Variants in DIP2B observed in about 807,000 individuals in gnomAD.
The protein encoded by DIP2B is DIP2 acetate--CoA ligase B (putative), also known as disco-interacting protein 2 homolog B.
In DIP2B, 76 loss-of-function variants were observed where a neutral mutation model predicts 198.0. The observed-to-expected ratio is 0.38, with a 90% confidence interval of 0.32 to 0.46. DIP2B has a LOEUF of 0.46. Among genes scored for constraint, DIP2B ranks in the 20% least tolerant of loss-of-function variants. The pLI is 0.99. For missense variants in DIP2B, 1,559 were observed against 1,978.4 expected, an observed-to-expected ratio of 0.79 and a Z score of 4.02; for synonymous variants, 701 against 739.1, an observed-to-expected ratio of 0.95 and a Z score of 0.84.
intron 26 of DIP2B, 24 bp downstream of exon 26, chr12:50,721,420 G>A: frequency 6.2e-7 from 1 of 1,613,206 alleles, no homozygotes; most frequent in Non-Finnish European, 8.5e-7. Context: ...TGGCAGACTA[G>A]AGTTTAAGCT....
At chr12:50,721,440 GACTGACT>G in intron 26 of DIP2B, 44 bp downstream of exon 26, 1 of 1,608,624 alleles carries the variant, frequency 6.2e-7, no homozygotes, top group Non-Finnish European at 8.5e-7. Flanking sequence ...TCCAATACTA[GACTGACT>G]ACAAATTATA....
rs543910487 is a variant in DIP2B at position 50,664,716 on chromosome 12, T to TGC, written c.427+4397_427+4398insGC. ...ACCACATAATGACCCTAAAGCACAG[T>TGC]AAGCTATTTCAACTAGCTTAAATTT... On this transcript the variant is annotated intron_variant, in intron 4 of 37. Coordinates refer to ENST00000301180, the MANE Select transcript of DIP2B (RefSeq NM_173602.3). Among the ~76,000 whole-genome samples, 57 of 152,152 alleles carry TGC rather than the reference T, an allele frequency of 3.7e-4. No homozygotes were observed. The East Asian group carries it at 6.6e-3, about 18-fold the overall frequency.
intron 1 of DIP2B, among the ~76,000 whole-genome samples, chr12:50,605,160 C>A (rs565735319): frequency 6.6e-6 from 1 of 152,254 alleles, no homozygotes; most frequent in South Asian, 2.1e-4. Context: ...AAACCCCCAA[C>A]TTTATTGAGG....
intron 22 of DIP2B, among the ~76,000 whole-genome samples, chr12:50,709,532 GGAGGCT>G (rs1339146804): frequency 2.0e-5 from 3 of 152,056 alleles, no homozygotes; most frequent in Admixed American, 2.0e-4. Context: ...CAGCTACTCG[GGAGGCT>G]GAGGCAGGAG....
chr12:50,731,290 C>T (rs1233709428), intron 30 of DIP2B, 79 bp from the exon 31 acceptor site: 2 of 1,519,976 alleles, frequency 1.3e-6, no homozygotes, highest in East Asian at 4.5e-5. Context: ...CAGTAAATAT[C>T]TGTGGAATTG....
chr12:50,718,682 T>A (rs767177964), intron 23 of DIP2B, 27 bp from the exon 24 acceptor site: 1 of 1,588,672 alleles, frequency 6.3e-7, no homozygotes, highest in Non-Finnish European at 8.6e-7. Flanking sequence ...CCATCTCCAG[T>A]GAGTTGGGTT....
rs765980211 is a variant in DIP2B at position 50,699,123 on chromosome 12, T to C, written c.2246T>C (p.Ile749Thr). The part of the protein sequence containing the change: ...GPPQLCKTDE[I>T]GEICVSSRTG... ...CCCCAGCTCTGCAAAACAGATGAAA[T>C]TGGAGAAATCTGTGTTAGCTCCAGA... The change falls in exon 19 of 38, where the codon ATT becomes ACT. Residue 749 changes from isoleucine (I) to threonine (T), a missense_variant. By Grantham distance (89) the Ile-to-Thr change is moderately conservative. Transcript: ENST00000301180. 6.8e-6 allele frequency: 11 copies of C among 1,614,044 alleles called. No homozygotes were observed. The Admixed American group carries it at 1.2e-4, about 17-fold the overall frequency.
intron 30 of DIP2B, 123 bp from the exon 31 acceptor site, chr12:50,731,246 A>G (rs78105525): frequency 1.2e-5 from 14 of 1,171,084 alleles, no homozygotes; most frequent in African/African-American, 7.6e-5. Flanking sequence ...TTAGAGCTTT[A>G]TATCTCATAT....
intron 1 of DIP2B, among the ~76,000 whole-genome samples, chr12:50,534,158 T>G (rs918426391): frequency 1.3e-5 from 2 of 152,118 alleles, no homozygotes; most frequent in African/African-American, 4.8e-5. Flanking sequence ...AAATATGACT[T>G]TATCAGCATT....
At chr12:50,724,235 A>T (rs1939891270) in intron 27 of DIP2B, among the ~76,000 whole-genome samples, 1 of 152,206 alleles carries the variant, frequency 6.6e-6, no homozygotes, top group Admixed American at 6.5e-5. Context: ...CTGTTGATGC[A>T]GTTCGTGGGC....
In DIP2B at chr12:50,541,438, A is replaced by G. The variant is rs143515933; in HGVS notation, c.100+36198A>G. On this transcript the variant is annotated intron_variant, in intron 1 of 37. Transcript: ENST00000301180. ...TTTTTTTTTTAAATCCATAGTCACC[A>G]TCAACTTCTGTTGGGAGAACAGAGA... Among the ~76,000 whole-genome samples, 247 of 148,830 alleles carry G rather than the reference A, an allele frequency of 1.7e-3. 4 individuals are homozygous for G. In the East Asian group the frequency reaches 0.04, roughly 24 times the overall value.
chr12:50,514,692 TCTCA>T (rs1958048506), intron 1 of DIP2B, among the ~76,000 whole-genome samples: 1 of 152,154 alleles, frequency 6.6e-6, no homozygotes, highest in Admixed American at 6.6e-5. Context: ...TGAAACAGGG[TCTCA>T]CTCTGTTGCC....
At chr12:50,701,785 C>A (rs1939422030) in intron 19 of DIP2B, among the ~76,000 whole-genome samples, 1 of 152,092 alleles carries the variant, frequency 6.6e-6, no homozygotes, top group Non-Finnish European at 1.5e-5. Flanking sequence ...GATTTTCCAT[C>A]ACTCCCATGT....
chr12:50,617,255 A>G (rs1386929956), intron 1 of DIP2B, among the ~76,000 whole-genome samples: 1 of 150,826 alleles, frequency 6.6e-6, no homozygotes, highest in African/African-American at 2.4e-5. Context: ...TCCCGGGTTC[A>G]TGCCATTCTC....
At chr12:50,607,900 T>C (rs1429667286) in intron 1 of DIP2B, among the ~76,000 whole-genome samples, 1 of 152,204 alleles carries the variant, frequency 6.6e-6, no homozygotes, top group Admixed American at 6.5e-5. Flanking sequence ...TTCAAGTGAT[T>C]CTCCTGCCTT....
chr12:50,567,292 T>G lies in DIP2B; in HGVS notation c.101-58684T>G, dbSNP rs559691152. Among the ~76,000 whole-genome samples the G allele has an allele frequency of 7.2e-5, 11 of 152,296 alleles. No individual in the cohort carries two copies. In the South Asian group the frequency reaches 2.3e-3, roughly 32 times the overall value. On this transcript the variant is annotated intron_variant, in intron 1 of 37. Coordinates refer to ENST00000301180, the MANE Select transcript of DIP2B (RefSeq NM_173602.3). ...CATTATTAATACAAAGAAATTGACA[T>G]TGGTGCAATCCACAGATTTTATTGA...
chr12:50,694,025 A>T (rs1939264222), intron 14 of DIP2B, among the ~76,000 whole-genome samples: 1 of 152,122 alleles, frequency 6.6e-6, no homozygotes, highest in South Asian at 2.1e-4. Flanking sequence ...CTTCAGCTTT[A>T]TCTAACAAAA....
At chr12:50,661,024 A>G (rs765285557) in intron 4 of DIP2B, among the ~76,000 whole-genome samples, 4 of 152,136 alleles carry the variant, frequency 2.6e-5, no homozygotes, top group Non-Finnish European at 4.4e-5. Flanking sequence ...TTGAGGAATA[A>G]CTAGAAACAA....
intron 22 of DIP2B, among the ~76,000 whole-genome samples, chr12:50,713,675 A>G (rs1351513078): frequency 6.6e-6 from 1 of 152,234 alleles, no homozygotes; most frequent in Non-Finnish European, 1.5e-5. Flanking sequence ...TGTTGTGTTC[A>G]TAATAAAAAT....
Sources: gnomAD v4.1 joint callset for allele counts (sites outside exome capture counted in the v4.1 genomes callset) on GRCh38, gnomAD v4.1.1 for gene constraint, MANE v1.5 for transcripts, NCBI Gene and HGNC (gene_info 2026-07-23, HGNC 2026-07-21) for gene names.